Variants in MAPK1IP1L observed in about 807,000 individuals in gnomAD.
MAPK1IP1L encodes MAPK-interacting and spindle-stabilizing protein-like.
In MAPK1IP1L, 10 loss-of-function variants were observed where a neutral mutation model predicts 18.1. That is an observed-to-expected ratio of 0.55 (90% CI 0.34 to 0.94). The LOEUF is 0.94. Ranked by LOEUF, MAPK1IP1L falls within the 40% of genes least tolerant of loss-of-function variation. MAPK1IP1L has a pLI of 0.02. For synonymous variants in MAPK1IP1L, 115 were observed against 117.3 expected (o/e 0.98, Z 0.13); for missense variants, 260 against 318.2 (o/e 0.82, Z 1.39).
At chr14:55,057,654 A>G (rs1275071580) in intron 1 of MAPK1IP1L, among the ~76,000 whole-genome samples, 1 of 151,948 alleles carries the variant, frequency 6.6e-6, no homozygotes, top group Non-Finnish European at 1.5e-5. Flanking sequence ...TACTCAGGAG[A>G]CTGAGGCACG....
rs1172973868 is a variant in MAPK1IP1L at position 55,067,793 on chromosome 14, G to GTA, written c.*3170_*3171dup. ...TATGGAAAAGACTGCTTGTTAGCAA[G>GTA]TATATTTGGTCTTGAGGGGGATACA... On this transcript the variant is annotated 3_prime_UTR_variant, in exon 4 of 4. Coordinates refer to ENST00000395468, the MANE Select transcript of MAPK1IP1L (RefSeq NM_144578.4). 1 of 152,212 alleles carries GTA rather than the reference G, an allele frequency of 6.6e-6. No individual in the cohort carries two copies. Among genetic ancestry groups the GTA allele is most frequent in the African/African-American group, 2.4e-5 (1 of 41,438 alleles). 9.4% of individuals were successfully genotyped at this position (152,212 alleles called of 1,614,324 possible).
rs1463099418 is a variant in MAPK1IP1L at position 55,051,672 on chromosome 14, G to A, written c.-136G>A. On this transcript the variant is annotated 5_prime_UTR_variant, in exon 1 of 4. Coordinates refer to ENST00000395468, the MANE Select transcript of MAPK1IP1L (RefSeq NM_144578.4). ...GCTTCCTGTTCCGGCGCCAGGAGGA[G>A]CCGCGCGCTGCTGGTGCTGTTGCCG... is the stretch of plus-strand genomic sequence containing the variant. 3 of 514,774 alleles carry A rather than the reference G, an allele frequency of 5.8e-6. No homozygotes were observed. Among genetic ancestry groups the A allele is most frequent in the Non-Finnish European group, 7.7e-6 (2 of 258,956 alleles). The allele number at this position is 514,774 out of a possible 1,614,324, so 31.9% of individuals were successfully genotyped here.
At chr14:55,061,021 A>G (rs992245154) in intron 1 of MAPK1IP1L, among the ~76,000 whole-genome samples, 3 of 152,072 alleles carry the variant, frequency 2.0e-5, no homozygotes, top group African/African-American at 7.2e-5. Flanking sequence ...ATGATGGCAC[A>G]CACCTGTAGT....
chr14:55,065,410 C>G lies in MAPK1IP1L; in HGVS notation c.*783C>G, dbSNP rs532624816. 1 of 152,150 alleles carries G rather than the reference C, an allele frequency of 6.6e-6. No individual in the cohort carries two copies. The highest frequency in any genetic ancestry group is 1.5e-5 in the Non-Finnish European group (1 of 68,006). The allele number at this position is 152,150 out of a possible 1,614,324, so 9.4% of individuals were successfully genotyped here. On this transcript the variant is annotated 3_prime_UTR_variant, in exon 4 of 4. Transcript: ENST00000395468. ...GATGTGCATATTGCTTTGGGAAGAG[C>G]TCGAGGAAGGAAATAATTCTCTCCT... is the stretch of plus-strand genomic sequence containing the variant.
At chr14:55,064,594 C>T (rs1442671406) in intron 3 of MAPK1IP1L, 22 bp from the exon 4 acceptor site, 2 of 1,611,376 alleles carry the variant, frequency 1.2e-6, no homozygotes, top group East Asian at 2.2e-5. Flanking sequence ...TAGAAGTTGA[C>T]TTTTTCTTTT....
intron 1 of MAPK1IP1L, among the ~76,000 whole-genome samples, chr14:55,053,706 T>A (rs2042747914): frequency 6.6e-6 from 1 of 152,138 alleles, no homozygotes; most frequent in Admixed American, 6.6e-5. Flanking sequence ...ATTCTCCCAG[T>A]TTTTACACTA....
chr14:55,061,135 C>A (rs1478104626), intron 1 of MAPK1IP1L, among the ~76,000 whole-genome samples: 1 of 151,942 alleles, frequency 6.6e-6, no homozygotes, highest in Non-Finnish European at 1.5e-5. Context: ...GCCTGGGTGA[C>A]AGAATGAGAC....
chr14:55,057,754 CAAAA>C (rs56295502), intron 1 of MAPK1IP1L, among the ~76,000 whole-genome samples: 1 of 127,274 alleles, frequency 7.9e-6, no homozygotes, highest in African/African-American at 2.9e-5. Flanking sequence ...GACTCCATCT[CAAAA>C]AAAAAAAAAA....
intron 1 of MAPK1IP1L, among the ~76,000 whole-genome samples, chr14:55,058,428 TA>T (rs2140258782): frequency 6.6e-6 from 1 of 152,324 alleles, no homozygotes; most frequent in East Asian, 1.9e-4. Flanking sequence ...GGGAAAAGTT[TA>T]ACAGAAATCC....
intron 3 of MAPK1IP1L, among the ~76,000 whole-genome samples, chr14:55,064,122 G>A (rs1274788710): frequency 6.9e-6 from 1 of 144,578 alleles, no homozygotes; most frequent in Non-Finnish European, 1.5e-5. Context: ...ATTCTCCTGA[G>A]TAGCTGGGAT....
rs1433780535 is a variant in MAPK1IP1L, at chr14:55,067,087, G to A, written c.*2460G>A. 8.4e-6 allele frequency: 1 copy of A among 118,504 alleles called. No homozygotes were observed. 7.3% of individuals were successfully genotyped at this position (118,504 alleles called of 1,614,324 possible). ...TAATTTTTTTTTTTTTTTTTTTTTAGTAGAGATGGGGTTTCACTGTGTTAG... is the reference window on the plus strand; with the variant it reads ...TAATTTTTTTTTTTTTTTTTTTTTAATAGAGATGGGGTTTCACTGTGTTAG... On this transcript the variant is annotated 3_prime_UTR_variant, in exon 4 of 4. Transcript: ENST00000395468.
intron 1 of MAPK1IP1L, among the ~76,000 whole-genome samples, chr14:55,056,133 T>C (rs2042769688): frequency 6.6e-6 from 1 of 152,162 alleles, no homozygotes; most frequent in African/African-American, 2.4e-5. Flanking sequence ...TAGGGCTTTG[T>C]TTTTTAATCA....
chr14:55,058,370 G>A (rs958331948), intron 1 of MAPK1IP1L, among the ~76,000 whole-genome samples: 20 of 151,790 alleles, frequency 1.3e-4, no homozygotes, highest in African/African-American at 3.1e-4. Flanking sequence ...ATATATGAAC[G>A]AACAATTAGA....
rs773106810 is a variant in MAPK1IP1L, at chr14:55,056,897, T to C, written c.-4-4783T>C. ...TTATGTTCTTGTCCTTTCCTCATGATAATCAAATCATAATTAGAAATAAGA... is the reference window on the plus strand; with the variant it reads ...TTATGTTCTTGTCCTTTCCTCATGACAATCAAATCATAATTAGAAATAAGA... On this transcript the variant is annotated intron_variant, in intron 1 of 3. Coordinates refer to ENST00000395468, the MANE Select transcript of MAPK1IP1L (RefSeq NM_144578.4). 2.8e-4 allele frequency among the ~76,000 whole-genome samples: 42 copies of C among 152,314 alleles called. No individual in the cohort carries two copies. In the Middle Eastern group the frequency reaches 0.01, roughly 37 times the overall value.
intron 1 of MAPK1IP1L, among the ~76,000 whole-genome samples, chr14:55,055,831 C>T (rs1318717376): frequency 6.6e-6 from 1 of 152,010 alleles, no homozygotes; most frequent in Admixed American, 6.6e-5. Context: ...TTGAGAGGCT[C>T]AGGTAGGAGA....
In MAPK1IP1L at chr14:55,067,483, C is replaced by T. The variant is rs2042873362; in HGVS notation, c.*2856C>T. 6.6e-6 allele frequency: 1 copy of T among 151,550 alleles called. No homozygotes were observed. 9.4% of individuals were successfully genotyped at this position (151,550 alleles called of 1,614,324 possible). A position where few individuals can be genotyped will look rare whatever the true frequency, so the allele number is the denominator to read the frequency against. On this transcript the variant is annotated 3_prime_UTR_variant, in exon 4 of 4. Coordinates refer to ENST00000395468, the MANE Select transcript of MAPK1IP1L (RefSeq NM_144578.4). ...GGAGTGCAATGGCGTGATCTTGGCTCGCTGCAACCTCTGCCTCCAGGTTCA... is the reference window on the plus strand; with the variant it reads ...GGAGTGCAATGGCGTGATCTTGGCTTGCTGCAACCTCTGCCTCCAGGTTCA...
intron 1 of MAPK1IP1L, among the ~76,000 whole-genome samples, chr14:55,054,785 C>T (rs1043505044): frequency 2.6e-5 from 4 of 152,198 alleles, no homozygotes; most frequent in African/African-American, 9.7e-5. Flanking sequence ...GAGTTCAACT[C>T]TCTTAACCAC....
chr14:55,061,165 C>T lies in MAPK1IP1L; in HGVS notation c.-4-515C>T, dbSNP rs977072070. 2.4e-4 allele frequency among the ~76,000 whole-genome samples: 36 copies of T among 151,770 alleles called. 1 individual carries two copies. The highest frequency in any genetic ancestry group is 1.8e-3 in the Admixed American group (27 of 15,236). On this transcript the variant is annotated intron_variant, in intron 1 of 3. Transcript: ENST00000395468. Reference sequence around the variant, plus strand: ...TGAGACCCTGTCTCCAAAAAAAAGACGAGGAAATGTAAGTTAAAATAAGAC... The same window carrying T: ...TGAGACCCTGTCTCCAAAAAAAAGATGAGGAAATGTAAGTTAAAATAAGAC...
intron 1 of MAPK1IP1L, among the ~76,000 whole-genome samples, chr14:55,059,043 CCAAT>C (rs1353297286): frequency 1.3e-5 from 2 of 151,566 alleles, no homozygotes; most frequent in Non-Finnish European, 2.9e-5. Flanking sequence ...GGTCCTAGAA[CCAAT>C]CTCCCTCAGG....
Sources: gnomAD v4.1 joint callset for allele counts (sites outside exome capture counted in the v4.1 genomes callset) on GRCh38, gnomAD v4.1.1 for gene constraint, MANE v1.5 for transcripts, NCBI Gene and HGNC (gene_info 2026-07-23, HGNC 2026-07-21) for gene names.